The following SLC30A7 variants were observed in gnomAD, a reference collection of about 807,000 sequenced individuals.
SLC30A7 encodes the protein solute carrier family 30 member 7, also known as zinc transporter 7.
A neutral mutation model predicts 46.0 loss-of-function variants in SLC30A7; 35 were observed. The ratio of observed to expected loss-of-function variants is 0.76; its 90% confidence interval spans 0.58 to 1.01. The LOEUF is 1.01. Ranked by LOEUF, SLC30A7 falls within the 50% of genes least tolerant of loss-of-function variation. SLC30A7 has a pLI of 0.00. For missense variants in SLC30A7, 464 were observed against 451.1 expected (o/e 1.03, Z -0.26); for synonymous variants, 147 against 157.8 (o/e 0.93, Z 0.51).
intron 8 of SLC30A7, among the ~76,000 whole-genome samples, chr1:100,956,853 A>G (rs17525451): frequency 0.28 from 42,554 of 152,088 alleles, 6,087 homozygotes; most frequent in Middle Eastern, 0.35. Context: ...TTCATGGAAA[A>G]TGAAAATGGA....
intron 2 of SLC30A7, among the ~76,000 whole-genome samples, chr1:100,906,408 TC>T (rs1299383451): frequency 6.6e-6 from 1 of 152,146 alleles, no homozygotes; most frequent in Non-Finnish European, 1.5e-5. Flanking sequence ...TCCCAGCCTG[TC>T]CCCACTGTCC....
chr1:100,916,962 G>A (rs982653857), intron 6 of SLC30A7, among the ~76,000 whole-genome samples: 2 of 152,072 alleles, frequency 1.3e-5, no homozygotes, highest in African/African-American at 4.8e-5. Context: ...CAGATACATA[G>A]TTTGCAAATA....
intron 3 of SLC30A7, among the ~76,000 whole-genome samples, chr1:100,907,498 TG>T (rs920543446): frequency 6.6e-6 from 1 of 152,184 alleles, no homozygotes; most frequent in African/African-American, 2.4e-5. Flanking sequence ...CACCTCTGAT[TG>T]GAGGAAGCAG....
intron 9 of SLC30A7, among the ~76,000 whole-genome samples, chr1:100,962,698 G>A (rs1028587691): frequency 2.6e-5 from 4 of 152,170 alleles, no homozygotes; most frequent in African/African-American, 4.8e-5. Flanking sequence ...GCATTGGAAA[G>A]CTTTTAGGCA....
intron 8 of SLC30A7, among the ~76,000 whole-genome samples, chr1:100,932,543 A>G (rs376481323): frequency 1.3e-5 from 2 of 152,234 alleles, no homozygotes; most frequent in Non-Finnish European, 2.9e-5. Context: ...TACGTTAGTA[A>G]TTTAAAATCT....
downstream of SLC30A7, among the ~76,000 whole-genome samples, chr1:100,984,095 CA>C (rs775355651): frequency 5.6e-4 from 85 of 152,280 alleles, no homozygotes; most frequent in Non-Finnish European, 1.1e-3. Flanking sequence ...CACTGGCTTC[CA>C]AAAGCTTTGG....
At chr1:100,914,326 C>T (rs138476775) in intron 6 of SLC30A7, among the ~76,000 whole-genome samples, 26 of 152,192 alleles carry the variant, frequency 1.7e-4, no homozygotes, top group Non-Finnish European at 2.8e-4. Context: ...ACTCATTAAC[C>T]GTCCCCCTTT....
At chr1:100,986,269 C>T (rs1657262947), downstream of SLC30A7, among the ~76,000 whole-genome samples, 1 of 152,050 alleles carries the variant, frequency 6.6e-6, no homozygotes, top group South Asian at 2.1e-4. Flanking sequence ...ATTGGCTGGG[C>T]GTGGTGGTGC....
chr1:100,908,201 ACT>A (rs913733415), intron 3 of SLC30A7, among the ~76,000 whole-genome samples: 4 of 150,404 alleles, frequency 2.7e-5, no homozygotes, highest in African/African-American at 9.8e-5. Context: ...TATGTCTTTT[ACT>A]CTCTGTCCTT....
intron 8 of SLC30A7, among the ~76,000 whole-genome samples, chr1:100,943,663 G>A (rs903837090): frequency 1.3e-5 from 2 of 152,352 alleles, no homozygotes; most frequent in Admixed American, 1.3e-4. Context: ...ACTTTAGAGA[G>A]TCCAAGGATT....
In SLC30A7 at chr1:100,896,681, G is replaced by C. The variant is rs1254722879; in HGVS notation, c.182+10G>C. On this transcript the variant is annotated intron_variant, in intron 2 of 10. Coordinates refer to ENST00000357650, the MANE Select transcript of SLC30A7 (RefSeq NM_133496.5). ...GCATCTGGAGCAACTGGTAACCAAA[G>C]GGGAAAATGGTTTGGGCGGAAGCTG... 3 of 1,611,590 alleles carry C rather than the reference G, an allele frequency of 1.9e-6. No individual in the cohort carries two copies. The highest frequency in any genetic ancestry group is 1.7e-5 in the Admixed American group (1 of 59,970).
At chr1:100,965,693 T>C (rs1285153447) in intron 9 of SLC30A7, 76 bp from the exon 10 acceptor site, 11 of 1,170,492 alleles carry the variant, frequency 9.4e-6, no homozygotes, top group South Asian at 3.8e-5. Flanking sequence ...TGTTTACTGA[T>C]ATGTTGCATA....
intron 5 of SLC30A7, 48 bp downstream of exon 5, chr1:100,912,286 G>A (rs377104755): frequency 1.3e-6 from 2 of 1,586,900 alleles, no homozygotes; most frequent in Admixed American, 1.8e-5. Flanking sequence ...CTAGGTTTCT[G>A]TCATAATTAT....
At position 100,912,147 on chromosome 1, in the gene SLC30A7, A is replaced by G. The variant is rs1236509828; in HGVS notation, c.420A>G (p.Arg140=). The change falls in exon 5 of 11, where the codon AGA becomes AGG. Residue 140 remains arginine, a synonymous_variant. Transcript: ENST00000357650. The part of the protein sequence containing the change: ...ALAPPDVHHE[R]LLLVSILGFV... Reference sequence around the variant, plus strand: ...CCCCTCCAGATGTCCACCATGAGAGACTGCTTCTTGTTTCCATTCTTGGGT... The same window carrying G: ...CCCCTCCAGATGTCCACCATGAGAGGCTGCTTCTTGTTTCCATTCTTGGGT... The G allele has an allele frequency of 4.3e-6, 7 of 1,613,850 alleles. No individual in the cohort carries two copies. Among genetic ancestry groups the G allele is most frequent in the South Asian group, 1.1e-5 (1 of 91,068 alleles).
intron 10 of SLC30A7, among the ~76,000 whole-genome samples, chr1:100,968,671 AC>A (rs946739306): frequency 3.3e-5 from 5 of 152,036 alleles, no homozygotes; most frequent in Non-Finnish European, 7.4e-5. Context: ...TCCTACTCTA[AC>A]TAAAATATCC....
At chr1:100,968,948 C>A (rs998307572) in intron 10 of SLC30A7, among the ~76,000 whole-genome samples, 7 of 152,140 alleles carry the variant, frequency 4.6e-5, no homozygotes, top group Admixed American at 1.3e-4. Context: ...TCTTTTTTAA[C>A]CACAAGCTCA....
chr1:100,969,823 A>G (rs1656057980), intron 10 of SLC30A7, among the ~76,000 whole-genome samples: 1 of 152,146 alleles, frequency 6.6e-6, no homozygotes, highest in African/African-American at 2.4e-5. Flanking sequence ...TTTCATTCCT[A>G]CATTTAATGA....
At position 100,896,401 on chromosome 1, in the gene SLC30A7, C is replaced by T. The variant is rs955779552; in HGVS notation, c.80+59C>T. On this transcript the variant is annotated intron_variant, in intron 1 of 10. Coordinates refer to ENST00000357650, the MANE Select transcript of SLC30A7 (RefSeq NM_133496.5). ...CCGGCAGAAAGGGAGAAGGCCCAGACCTCAGGATGGCCCGAGGTCCAGTGA... is the reference window on the plus strand; with the variant it reads ...CCGGCAGAAAGGGAGAAGGCCCAGATCTCAGGATGGCCCGAGGTCCAGTGA... The T allele has an allele frequency of 5.1e-6, 8 of 1,578,552 alleles. No homozygotes were observed. The Admixed American group carries it at 1.2e-4, about 23-fold the overall frequency.
intron 8 of SLC30A7, among the ~76,000 whole-genome samples, chr1:100,946,746 C>CA (rs896812832): frequency 6.6e-6 from 1 of 151,916 alleles, no homozygotes; most frequent in Non-Finnish European, 1.5e-5. Context: ...CCAAAATTTT[C>CA]TTTTTTTTGT....
Sources: allele counts gnomAD v4.1 joint callset (sites outside exome capture counted in the v4.1 genomes callset), GRCh38; gene constraint gnomAD v4.1.1; transcripts MANE v1.5; gene names NCBI Gene and HGNC (gene_info 2026-07-23, HGNC 2026-07-21).